ASIC2: variants seen among roughly 807,000 people sequenced by gnomAD.
ASIC2 encodes acid sensing ion channel subunit 2, also known as acid-sensing ion channel 2.
Under a neutral mutation model 57.3 loss-of-function variants are expected in ASIC2, and 25 were observed. That is an observed-to-expected ratio of 0.44 (90% CI 0.32 to 0.61). ASIC2 has a LOEUF of 0.61. Among genes scored for constraint, ASIC2 ranks in the 20% least tolerant of loss-of-function variants. The pLI is 0.06. For synonymous variants in ASIC2, 319 were observed against 307.5 expected (o/e 1.04, Z -0.39); for missense variants, 641 against 738.1 (o/e 0.87, Z 1.52).
rs561780319 is a variant in ASIC2, at chr17:33,960,987, C to A, written c.555+194991G>T. Among the ~76,000 whole-genome samples, 4 of 152,194 alleles carry A rather than the reference C, an allele frequency of 2.6e-5. No homozygotes were observed. In the South Asian group the frequency reaches 8.3e-4, roughly 32 times the overall value. ...TGAATGAGATAAATAATGCAGGCAA[C>A]CCTAAGTACGTGGAAGTGGAGGAGA... On this transcript the variant is annotated intron_variant, in intron 1 of 9. Transcript: ENST00000359872.
chr17:33,769,900 T>C (rs1242491088), intron 1 of ASIC2, among the ~76,000 whole-genome samples: 2 of 152,210 alleles, frequency 1.3e-5, no homozygotes, highest in Admixed American at 6.5e-5. Flanking sequence ...TCCTCTCTTA[T>C]GAGGACTCTA....
At chr17:33,904,998 ATC>A (rs779962945) in intron 1 of ASIC2, among the ~76,000 whole-genome samples, 103 of 152,144 alleles carry the variant, frequency 6.8e-4, no homozygotes, top group Non-Finnish European at 1.2e-3. Flanking sequence ...TATGTAGAAA[ATC>A]TCAGAGAGGG....
intron 1 of ASIC2, among the ~76,000 whole-genome samples, chr17:33,217,488 G>A (rs1907539348): frequency 6.6e-6 from 1 of 152,210 alleles, no homozygotes; most frequent in Non-Finnish European, 1.5e-5. Flanking sequence ...TGTTATGGCT[G>A]AGCGAGCCCG....
At chr17:33,759,069 A>G (rs1910700262) in intron 1 of ASIC2, among the ~76,000 whole-genome samples, 1 of 152,188 alleles carries the variant, frequency 6.6e-6, no homozygotes, top group South Asian at 2.1e-4. Context: ...CAAGAAGATA[A>G]GGGAAAGTTT....
intron 1 of ASIC2, among the ~76,000 whole-genome samples, chr17:33,708,127 G>A (rs2029531): frequency 0.35 from 53,049 of 152,052 alleles, 10,875 homozygotes; most frequent in African/African-American, 0.58. Flanking sequence ...AAGGGAATGT[G>A]GGGGTCTAAT....
In ASIC2 at chr17:33,965,252, C is replaced by T. The variant is rs73276643; in HGVS notation, c.555+190726G>A. On this transcript the variant is annotated intron_variant, in intron 1 of 9. Transcript: ENST00000359872. ...GTTAAGCGACTTGCCTCAGATCAAA[C>T]AGCTGGTAAATGGCAGAGCTAGGAT... Among the ~76,000 whole-genome samples the T allele has an allele frequency of 3.6e-3, 551 of 152,316 alleles. 6 individuals are homozygous for T. The highest frequency in any genetic ancestry group is 0.012 in the African/African-American group (480 of 41,568).
chr17:33,077,754 C>A (rs2092095264), intron 3 of ASIC2, among the ~76,000 whole-genome samples: 1 of 152,092 alleles, frequency 6.6e-6, no homozygotes, highest in South Asian at 2.1e-4. Context: ...TGTTTTCAAG[C>A]CTGAAGGAGG....
intron 1 of ASIC2, among the ~76,000 whole-genome samples, chr17:33,852,141 G>T (rs1208038057): frequency 6.6e-6 from 1 of 152,220 alleles, no homozygotes; most frequent in African/African-American, 2.4e-5. Context: ...GCACAGAGTG[G>T]GGCCCAGCAT....
intron 1 of ASIC2, among the ~76,000 whole-genome samples, chr17:33,848,570 AT>A (rs1461323446): frequency 1.3e-5 from 2 of 152,172 alleles, no homozygotes; most frequent in Admixed American, 1.3e-4. Flanking sequence ...TTATCTAGTT[AT>A]TTATACAACA....
intron 1 of ASIC2, among the ~76,000 whole-genome samples, chr17:33,562,181 C>T (rs897215201): frequency 3.3e-5 from 5 of 151,894 alleles, no homozygotes; most frequent in African/African-American, 1.2e-4. Context: ...CCCCTTTCAC[C>T]TTTCTCTGCA....
chr17:33,760,814 A>G (rs1246311465), intron 1 of ASIC2, among the ~76,000 whole-genome samples: 1 of 152,110 alleles, frequency 6.6e-6, no homozygotes, highest in African/African-American at 2.4e-5. Context: ...ATGGGCTGCC[A>G]TTGTTCTCTT....
chr17:33,723,404 C>A (rs1407399948), intron 1 of ASIC2, among the ~76,000 whole-genome samples: 2 of 152,190 alleles, frequency 1.3e-5, no homozygotes, highest in South Asian at 4.1e-4. Flanking sequence ...TCTCTGCTCA[C>A]TGCAACCTCC....
intron 1 of ASIC2, among the ~76,000 whole-genome samples, chr17:33,786,811 GT>G (rs898461987): frequency 3.1e-4 from 47 of 152,226 alleles, no homozygotes; most frequent in African/African-American, 1.1e-3. Flanking sequence ...CACCCCTCAG[GT>G]TCAGCTGAAA....
intron 1 of ASIC2, among the ~76,000 whole-genome samples, chr17:34,142,208 C>G (rs1351301346): frequency 6.6e-6 from 1 of 152,112 alleles, no homozygotes; most frequent in African/African-American, 2.4e-5. Flanking sequence ...AAATTACCTA[C>G]ACATCATAGT....
Position 33,914,783 on chromosome 17 carries a change from A to G in ASIC2, c.555+241195T>C, listed in dbSNP as rs542966303. Among the ~76,000 whole-genome samples, 10 of 152,304 alleles carry G rather than the reference A, an allele frequency of 6.6e-5. No homozygotes were observed. In the South Asian group the frequency reaches 2.1e-3, roughly 32 times the overall value. ...GATGCCTTCCATTGCTGAGATTTTA[A>G]GTAAGCTGGGAAAGGGAGCCATGGT... On this transcript the variant is annotated intron_variant, in intron 1 of 9. Transcript: ENST00000359872.
intron 1 of ASIC2, among the ~76,000 whole-genome samples, chr17:33,122,810 C>T (rs1031491820): frequency 6.6e-6 from 1 of 152,202 alleles, no homozygotes; most frequent in Non-Finnish European, 1.5e-5. Flanking sequence ...ATCAACATCT[C>T]CCCATTCCCT....
intron 1 of ASIC2, among the ~76,000 whole-genome samples, chr17:33,771,693 T>C (rs1240028308): frequency 1.3e-5 from 2 of 152,192 alleles, no homozygotes; most frequent in African/African-American, 4.8e-5. Context: ...CAGATCAGCA[T>C]TAGAGATCAC....
chr17:33,329,420 G>A (rs1005031117), intron 1 of ASIC2, among the ~76,000 whole-genome samples: 9 of 152,312 alleles, frequency 5.9e-5, no homozygotes, highest in South Asian at 2.1e-4. Context: ...ACCTGCAGGG[G>A]ATAAGGAGGC....
At chr17:33,606,049 T>C (rs1905224901) in intron 1 of ASIC2, among the ~76,000 whole-genome samples, 1 of 152,192 alleles carries the variant, frequency 6.6e-6, no homozygotes, top group African/African-American at 2.4e-5. Context: ...TAAACTTTTT[T>C]GTGCAGGAAG....
Sources: gnomAD v4.1 joint callset for allele counts (sites outside exome capture counted in the v4.1 genomes callset) on GRCh38, gnomAD v4.1.1 for gene constraint, MANE v1.5 for transcripts, NCBI Gene and HGNC (gene_info 2026-07-23, HGNC 2026-07-21) for gene names.